Variants in CSMD2 observed in about 807,000 individuals in gnomAD.
The protein encoded by CSMD2 is CUB and Sushi multiple domains 2.
A neutral mutation model predicts 398.5 loss-of-function variants in CSMD2; 130 were observed. The observed-to-expected ratio is 0.33, with a 90% CI of 0.28 to 0.38. The LOEUF is 0.38. Among genes scored for constraint, CSMD2 ranks in the 10% least tolerant of loss-of-function variants. CSMD2 has a pLI of 1.00. For synonymous variants in CSMD2, 1,828 were observed against 1,908.5 expected (o/e 0.96, Z 1.10); for missense variants, 3,829 against 4,764.9 (o/e 0.80, Z 5.78).
intron 55 of CSMD2, among the ~76,000 whole-genome samples, chr1:33,555,743 T>C (rs1275862023): frequency 1.3e-5 from 2 of 152,226 alleles, no homozygotes; most frequent in African/African-American, 4.8e-5. Context: ...AGCAATAAAG[T>C]ATTTTTAATT....
intron 5 of CSMD2, among the ~76,000 whole-genome samples, chr1:33,861,542 C>T (rs1639509358): frequency 6.6e-6 from 1 of 152,230 alleles, no homozygotes; most frequent in African/African-American, 2.4e-5. Flanking sequence ...TGCAGGCATG[C>T]TTGCTCTAGG....
intron 5 of CSMD2, among the ~76,000 whole-genome samples, chr1:33,903,522 T>G (rs143579104): frequency 1.9e-4 from 29 of 152,332 alleles, no homozygotes; most frequent in African/African-American, 6.3e-4. Flanking sequence ...CTTAAAATAC[T>G]TGGTGGAGAG....
intron 2 of CSMD2, 33 bp from the exon 3 acceptor site, chr1:34,032,739 AC>A: frequency 6.8e-7 from 1 of 1,468,356 alleles, no homozygotes; most frequent in Non-Finnish European, 9.3e-7. Flanking sequence ...AGGGAGAATG[AC>A]CCCCTTGGGA....
At chr1:33,820,674 G>A (rs1658035533) in intron 7 of CSMD2, 118 bp from the exon 8 acceptor site, 3 of 704,538 alleles carry the variant, frequency 4.3e-6, no homozygotes, top group Admixed American at 2.5e-5. Flanking sequence ...GACAGAATGA[G>A]GCCCTGCTTT....
rs140082048 is a variant in CSMD2 at position 34,009,287 on chromosome 1, C to A, written c.517+23307G>T. ...CATTTTAATGTCCTATAAGAGGTGA[C>A]CAGACACCCTTCTCTACTTGCTCAC... On this transcript the variant is annotated intron_variant, in intron 3 of 70. Coordinates refer to ENST00000373381, the MANE Select transcript of CSMD2 (RefSeq NM_001281956.2). Among the ~76,000 whole-genome samples the A allele has an allele frequency of 9.8e-3, 1,493 of 151,720 alleles. 14 individuals carry two copies. The highest frequency in any genetic ancestry group is 0.016 in the Non-Finnish European group (1,095 of 67,924).
intron 13 of CSMD2, among the ~76,000 whole-genome samples, chr1:33,765,153 T>G (rs1222758342): frequency 6.6e-6 from 1 of 152,230 alleles, no homozygotes; most frequent in African/African-American, 2.4e-5. Flanking sequence ...TAATTTATAT[T>G]TTAACAGGAG....
chr1:34,051,701 T>C (rs1471940401), intron 2 of CSMD2, among the ~76,000 whole-genome samples: 1 of 152,174 alleles, frequency 6.6e-6, no homozygotes, highest in Non-Finnish European at 1.5e-5. Context: ...AGGATAGTCA[T>C]GTCATATTAG....
intron 1 of CSMD2, among the ~76,000 whole-genome samples, chr1:34,132,630 A>G (rs1461633697): frequency 2.0e-5 from 3 of 152,258 alleles, no homozygotes; most frequent in African/African-American, 7.2e-5. Context: ...ACCCTCACCA[A>G]TGTGGGTGGG....
chr1:33,519,454 C>G lies in CSMD2; in HGVS notation c.*53+11G>C. 1 of 1,544,168 alleles carries G rather than the reference C, an allele frequency of 6.5e-7. No individual in the cohort carries two copies. Among genetic ancestry groups the G allele is most frequent in the Admixed American group, 1.7e-5 (1 of 59,110 alleles). On this transcript the variant is annotated intron_variant, in intron 70 of 70. Transcript: ENST00000373381. The surrounding 1 kb of genome is among the most constrained non-coding windows in gnomAD (Gnocchi z 5.6). ...TGTCATGGCCTGTCTTCCTCCCACACCCCTGCTCACCGGCTGCTGGAGGCG... is the reference window on the plus strand; with the variant it reads ...TGTCATGGCCTGTCTTCCTCCCACAGCCCTGCTCACCGGCTGCTGGAGGCG...
intron 3 of CSMD2, among the ~76,000 whole-genome samples, chr1:33,937,159 A>G (rs1448823046): frequency 6.6e-6 from 1 of 152,218 alleles, no homozygotes; most frequent in Non-Finnish European, 1.5e-5. Context: ...CTTAGGACAG[A>G]GCCTGATGTA....
chr1:33,566,488 G>T (rs1292183169), intron 53 of CSMD2, among the ~76,000 whole-genome samples: 1 of 152,100 alleles, frequency 6.6e-6, no homozygotes, highest in Non-Finnish European at 1.5e-5. Flanking sequence ...ATATGTGAAT[G>T]AGTTTAACTA....
At chr1:34,018,326 A>T (rs1308669851) in intron 3 of CSMD2, among the ~76,000 whole-genome samples, 3 of 152,176 alleles carry the variant, frequency 2.0e-5, no homozygotes, top group African/African-American at 7.2e-5. Context: ...CCAATTTTTC[A>T]TCATTATAAA....
chr1:34,068,373 C>T (rs1338144105), intron 2 of CSMD2, among the ~76,000 whole-genome samples: 1 of 152,180 alleles, frequency 6.6e-6, no homozygotes, highest in African/African-American at 2.4e-5. Context: ...TCAAAACATG[C>T]ATTCTTATTA....
chr1:33,755,848 G>C (rs917525235), intron 13 of CSMD2, among the ~76,000 whole-genome samples: 2 of 150,398 alleles, frequency 1.3e-5, no homozygotes, highest in Admixed American at 6.6e-5. Context: ...GTGTGTGTGC[G>C]GGGGGAGGGG....
chr1:33,536,166 C>A (rs1655753550), intron 62 of CSMD2, among the ~76,000 whole-genome samples: 1 of 152,174 alleles, frequency 6.6e-6, no homozygotes, highest in Non-Finnish European at 1.5e-5. Flanking sequence ...TTTTCCTGGG[C>A]AAGTCCTGGA....
intron 3 of CSMD2, among the ~76,000 whole-genome samples, chr1:33,942,026 C>T (rs1430516527): frequency 1.3e-5 from 2 of 152,038 alleles, no homozygotes; most frequent in Admixed American, 6.6e-5. Context: ...TTTCTCAGTT[C>T]CAAGAACAGT....
At chr1:33,900,647 C>G (rs1040790726) in intron 5 of CSMD2, among the ~76,000 whole-genome samples, 3 of 151,992 alleles carry the variant, frequency 2.0e-5, no homozygotes, top group Non-Finnish European at 2.9e-5. Flanking sequence ...GGTGTGGTGG[C>G]AGGCACTTGT....
At chr1:33,679,594 C>T (rs372012200) in intron 25 of CSMD2, among the ~76,000 whole-genome samples, 30 of 152,230 alleles carry the variant, frequency 2.0e-4, no homozygotes, top group Admixed American at 5.9e-4. Flanking sequence ...TATCAAGCAG[C>T]GTTGCTAAGA....
chr1:34,071,988 C>T (rs1389506700), intron 2 of CSMD2, among the ~76,000 whole-genome samples: 1 of 152,178 alleles, frequency 6.6e-6, no homozygotes, highest in East Asian at 1.9e-4. Context: ...GCAGATGGCC[C>T]TGAGAAGGAA....
Sources: gnomAD v4.1 joint callset for allele counts (sites outside exome capture counted in the v4.1 genomes callset) on GRCh38, gnomAD v4.1.1 for gene constraint, Gnocchi (gnomAD v3.1) non-coding constraint, MANE v1.5 for transcripts, NCBI Gene and HGNC (gene_info 2026-07-23, HGNC 2026-07-21) for gene names.